The following RBM19 variants were observed in gnomAD, a reference collection of about 807,000 sequenced individuals.
The protein encoded by RBM19 is RNA binding motif protein 19.
RBM19 carries 94 observed loss-of-function variants against 116.8 expected under a neutral mutation model. The ratio of observed to expected loss-of-function variants is 0.80; its 90% CI spans 0.68 to 0.95. The LOEUF (loss-of-function observed/expected upper bound fraction) is 0.95, where lower values mean the gene tolerates loss of function less well. Ranked by LOEUF, RBM19 falls within the 40% of genes least tolerant of loss-of-function variation. The pLI is 0.00. For missense variants in RBM19, 1,161 were observed against 1,220.7 expected (o/e 0.95, Z 0.73); for synonymous variants, 475 against 494.1 (o/e 0.96, Z 0.51).
chr12:113,920,473 G>A (rs77735222), intron 19 of RBM19, 138 bp downstream of exon 19: 24 of 790,976 alleles, frequency 3.0e-5, no homozygotes, highest in Non-Finnish European at 4.3e-5. Flanking sequence ...CCACAGTCCC[G>A]TAGAGATCTG....
intron 19 of RBM19, among the ~76,000 whole-genome samples, chr12:113,919,818 T>A (rs1217947504): frequency 1.3e-5 from 2 of 152,048 alleles, no homozygotes; most frequent in Non-Finnish European, 2.9e-5. Flanking sequence ...CAAGCCTGGA[T>A]GACTCAAGGG....
chr12:113,867,730 G>A (rs181396858), intron 21 of RBM19, among the ~76,000 whole-genome samples: 32 of 152,252 alleles, frequency 2.1e-4, no homozygotes, highest in African/African-American at 7.5e-4. Flanking sequence ...AGACTGCCCT[G>A]GCCAACATGG....
intron 21 of RBM19, among the ~76,000 whole-genome samples, chr12:113,874,808 T>C (rs1879540281): frequency 6.6e-6 from 1 of 152,224 alleles, no homozygotes; most frequent in Non-Finnish European, 1.5e-5. Context: ...CCAGTTCAGA[T>C]GCTCCCCATC....
chr12:113,905,199 A>G (rs533471402), intron 21 of RBM19, among the ~76,000 whole-genome samples: 1 of 152,382 alleles, frequency 6.6e-6, no homozygotes, highest in Non-Finnish European at 1.5e-5. Flanking sequence ...GCCACTGGAT[A>G]TCAAGTCTAT....
chr12:113,887,634 C>CAAAAAAAAA (rs35665613), intron 21 of RBM19, among the ~76,000 whole-genome samples: 31 of 70,846 alleles, frequency 4.4e-4, no homozygotes, highest in African/African-American at 5.4e-4. Flanking sequence ...GACTCCATCT[C>CAAAAAAAAA]AAAAAAAAAA....
chr12:113,879,431 T>TTATATATAAATATATATA (rs1879929279), intron 21 of RBM19, among the ~76,000 whole-genome samples: 1 of 132,630 alleles, frequency 7.5e-6, no homozygotes, highest in Non-Finnish European at 1.6e-5. Flanking sequence ...TACATACATT[T>TTATATATAAATATATATA]TATATATATA....
At chr12:113,906,440 G>T (rs1412770355) in intron 21 of RBM19, among the ~76,000 whole-genome samples, 2 of 152,194 alleles carry the variant, frequency 1.3e-5, no homozygotes, top group African/African-American at 4.8e-5. Flanking sequence ...AGTTAAGAGA[G>T]TGGCTGCTCT....
intron 23 of RBM19, among the ~76,000 whole-genome samples, chr12:113,836,444 T>C (rs1307235976): frequency 1.3e-5 from 2 of 152,074 alleles, no homozygotes; most frequent in Non-Finnish European, 2.9e-5. Context: ...AGGAAAAATA[T>C]AATGCCCTGC....
chr12:113,863,204 CGTGTGTCTGTGTGTGTGT>C (rs1233730187), intron 21 of RBM19, among the ~76,000 whole-genome samples: 10 of 98,404 alleles, frequency 1.0e-4, no homozygotes, highest in Non-Finnish European at 1.9e-4. Context: ...AGACACAATA[CGTGTGTCTGTGTGTGTGT>C]GTGTGTGTGT....
At chr12:113,841,174 C>T (rs1876436231) in intron 23 of RBM19, among the ~76,000 whole-genome samples, 1 of 152,256 alleles carries the variant, frequency 6.6e-6, no homozygotes, top group Admixed American at 6.5e-5. Flanking sequence ...ATGTCAGCTT[C>T]CTCATCTGTA....
In RBM19 at chr12:113,863,092, T is replaced by C. The variant is rs373621156; in HGVS notation, c.2559-4196A>G. Among the ~76,000 whole-genome samples, 24 of 132,630 alleles carry C rather than the reference T, an allele frequency of 1.8e-4. No individual in the cohort carries two copies. The East Asian group carries it at 5.7e-3, about 32-fold the overall frequency. 87.0% of individuals were successfully genotyped at this position (132,630 alleles called of 152,430 possible). A position where few individuals can be genotyped will look rare whatever the true frequency, so the allele number is the denominator to read the frequency against. On this transcript the variant is annotated intron_variant, in intron 21 of 23. Transcript: ENST00000261741. The stretch of plus-strand genomic sequence containing the variant: ...AGAGAAGGGAGGAGGGGGGAGGAGG[T>C]GGGATGGGGCTCCGAGGTGTTGCAT...
intron 8 of RBM19, among the ~76,000 whole-genome samples, chr12:113,951,879 T>TTCCAGCC (rs1338559069): frequency 5.3e-5 from 8 of 152,324 alleles, no homozygotes; most frequent in African/African-American, 1.9e-4. Flanking sequence ...ATCCAGCGGC[T>TTCCAGCC]TCCAGCCTCC....
intron 21 of RBM19, among the ~76,000 whole-genome samples, chr12:113,883,068 G>C (rs559599273): frequency 1.5e-4 from 23 of 152,198 alleles, no homozygotes; most frequent in Non-Finnish European, 2.4e-4. Flanking sequence ...GGGAAGGAGA[G>C]AGAGACAGAC....
intron 21 of RBM19, among the ~76,000 whole-genome samples, chr12:113,906,022 A>G (rs2135834555): frequency 6.6e-6 from 1 of 152,372 alleles, no homozygotes; most frequent in East Asian, 1.9e-4. Flanking sequence ...CCGTGGAAGG[A>G]AGCGCAAACT....
At chr12:113,918,101 G>A (rs1180979167) in intron 20 of RBM19, among the ~76,000 whole-genome samples, 2 of 149,448 alleles carry the variant, frequency 1.3e-5, no homozygotes, top group African/African-American at 2.5e-5. Context: ...TTGTTTGCCT[G>A]TTTCTCCTGC....
At position 113,852,119 on chromosome 12, in the gene RBM19, T is replaced by C. The variant is rs955857638; in HGVS notation, c.2664+6672A>G. 4.6e-5 allele frequency among the ~76,000 whole-genome samples: 7 copies of C among 151,240 alleles called. No homozygotes were observed. In the South Asian group the frequency reaches 1.0e-3, roughly 22 times the overall value. On this transcript the variant is annotated intron_variant, in intron 22 of 23. Transcript: ENST00000261741. ...GTCAAACTTGGCTGGGAGTTTTACCTTTCCTTGATGACTAGTACGGCCTGC... is the reference window on the plus strand; with the variant it reads ...GTCAAACTTGGCTGGGAGTTTTACCCTTCCTTGATGACTAGTACGGCCTGC...
At chr12:113,915,184 G>A (rs377758285) in intron 20 of RBM19, 99 bp from the exon 21 acceptor site, 1 of 1,022,870 alleles carries the variant, frequency 9.8e-7, no homozygotes. Context: ...TTCAGGTGAT[G>A]GATTCAAGGA....
At chr12:113,852,144 C>A (rs1798813445) in intron 22 of RBM19, among the ~76,000 whole-genome samples, 1 of 152,116 alleles carries the variant, frequency 6.6e-6, no homozygotes, top group South Asian at 2.1e-4. Context: ...GTACGGCCTG[C>A]CTGATAAATC....
intron 5 of RBM19, among the ~76,000 whole-genome samples, chr12:113,958,427 C>G (rs1442082862): frequency 6.6e-6 from 1 of 152,110 alleles, no homozygotes; most frequent in African/African-American, 2.4e-5. Context: ...TCAGGGCTGG[C>G]TGCGTGGGCT....
Sources: gnomAD v4.1 joint callset for allele counts (sites outside exome capture counted in the v4.1 genomes callset) on GRCh38, gnomAD v4.1.1 for gene constraint, MANE v1.5 for transcripts, NCBI Gene and HGNC (gene_info 2026-07-23, HGNC 2026-07-21) for gene names.